Variants in GPATCH2L observed in about 807,000 individuals in gnomAD.
The protein encoded by GPATCH2L is G patch domain-containing protein 2-like.
GPATCH2L carries 31 observed loss-of-function variants against 57.4 expected under a neutral mutation model. The observed-to-expected ratio is 0.54, with a 90% CI of 0.41 to 0.73. The LOEUF is 0.73. Ranked by LOEUF, GPATCH2L falls within the 30% of genes least tolerant of loss-of-function variation. The probability of loss-of-function intolerance (pLI) is 0.00; values close to 1 mark genes in which losing one functional copy is unlikely to be tolerated. For missense variants in GPATCH2L, 481 were observed against 599.9 expected (o/e 0.80, Z 2.07); for synonymous variants, 199 against 210.7 (o/e 0.94, Z 0.48).
At chr14:76,234,380 A>T (rs1595017053) in intron 2 of GPATCH2L, 2 of 152,240 alleles carry the variant, frequency 1.3e-5, no homozygotes, top group African/African-American at 4.8e-5. Context: ...GCTTTGTGTA[A>T]TCCCATCCCC....
intron 8 of GPATCH2L, among the ~76,000 whole-genome samples, chr14:76,194,426 T>C (rs1325795549): frequency 4.6e-5 from 7 of 152,200 alleles, no homozygotes; most frequent in African/African-American, 1.7e-4. Flanking sequence ...CAAATTCTTA[T>C]ATTTTCCTAT....
At chr14:76,175,550 G>T (rs1042900299) in intron 5 of GPATCH2L, 1 of 152,108 alleles carries the variant, frequency 6.6e-6, no homozygotes, top group Non-Finnish European at 1.5e-5. Context: ...TTTTTCTGCT[G>T]TAACAAATAG....
Position 76,154,326 on chromosome 14 carries a change from CT to C in GPATCH2L, c.-10-21del. 6.6e-7 allele frequency: 1 copy of C among 1,509,008 alleles called. No homozygotes were observed. Among genetic ancestry groups the C allele is most frequent in the Non-Finnish European group, 8.9e-7 (1 of 1,119,350 alleles). 93.5% of individuals were successfully genotyped at this position (1,509,008 alleles called of 1,614,324 possible). A position where few individuals can be genotyped will look rare whatever the true frequency, so the allele number is the denominator to read the frequency against. ...CTTTTTCTTTTTCTTTTCTTTCTTT[CT>C]TTTTTTCCTAAACTTCCTTTTGGCA... is the stretch of plus-strand genomic sequence containing the variant. On this transcript the variant is annotated intron_variant, in intron 1 of 9. Transcript: ENST00000261530. This position sits in a 1 kb window ranked among gnomAD's most constrained non-coding sequence, Gnocchi z 4.4.
intron 2 of GPATCH2L, 91 bp downstream of exon 2, chr14:76,155,116 A>G (rs1487546162): frequency 1.0e-6 from 1 of 999,972 alleles, no homozygotes; most frequent in Non-Finnish European, 1.4e-6. Flanking sequence ...CCTTCTTTCA[A>G]ACCAGCCACT....
rs2040344315 is a variant in GPATCH2L at position 76,203,693 on chromosome 14, G to GTA, written c.*1843_*1844dup. 1.3e-5 allele frequency: 2 copies of GTA among 152,258 alleles called. No homozygotes were observed. Among genetic ancestry groups the GTA allele is most frequent in the East Asian group, 3.9e-4 (2 of 5,188 alleles). 9.4% of individuals were successfully genotyped at this position (152,258 alleles called of 1,614,324 possible). On this transcript the variant is annotated 3_prime_UTR_variant, in exon 10 of 10. Coordinates refer to ENST00000261530, the MANE Select transcript of GPATCH2L (RefSeq NM_017926.4). ...CTTCCCTTCCCTGTGGGCTGCACCC[G>GTA]TAGAAGTATAGAAAATGTAATGTCT... is the stretch of plus-strand genomic sequence containing the variant.
intron 2 of GPATCH2L, among the ~76,000 whole-genome samples, chr14:76,231,645 A>ACACC (rs2040562554): frequency 6.6e-6 from 1 of 151,550 alleles, no homozygotes; most frequent in Non-Finnish European, 1.5e-5. Context: ...ACACACACAC[A>ACACC]CACACTCTTC....
At chr14:76,225,040 T>C (rs1219838486) in intron 1 of GPATCH2L, among the ~76,000 whole-genome samples, 3 of 152,150 alleles carry the variant, frequency 2.0e-5, no homozygotes, top group Non-Finnish European at 4.4e-5. Flanking sequence ...ATTGTAAAGA[T>C]GTCAGTTATT....
rs527614971 is a variant in GPATCH2L at position 76,165,883 on chromosome 14, T to A, written c.663-780T>A. ...TCTTCTAGAGTAGGTGAAAAAAAAA[T>A]TTTTGACTCTCTTGGAAGGAAATAA... On this transcript the variant is annotated intron_variant, in intron 2 of 9. Coordinates refer to ENST00000261530, the MANE Select transcript of GPATCH2L (RefSeq NM_017926.4). Among the ~76,000 whole-genome samples the A allele has an allele frequency of 7.9e-5, 12 of 152,202 alleles. 1 individual carries two copies. In the South Asian group the frequency reaches 1.5e-3, roughly 18 times the overall value.
intron 8 of GPATCH2L, among the ~76,000 whole-genome samples, chr14:76,187,495 T>C (rs1011296019): frequency 1.3e-5 from 2 of 152,114 alleles, no homozygotes; most frequent in African/African-American, 4.8e-5. Context: ...CCTAGAAATA[T>C]CAAATTTTTT....
At chr14:76,178,230 G>T (rs1411402743) in intron 7 of GPATCH2L, 188 bp downstream of exon 7, 2 of 1,508,278 alleles carry the variant, frequency 1.3e-6, no homozygotes, top group East Asian at 5.0e-5. Context: ...CAGTAAGAAA[G>T]CAGAATGAAT....
chr14:76,201,116 T>G (rs1265452532), intron 9 of GPATCH2L, among the ~76,000 whole-genome samples: 1 of 152,206 alleles, frequency 6.6e-6, no homozygotes, highest in Non-Finnish European at 1.5e-5. Flanking sequence ...CTGATTGTGC[T>G]CTTTTTCTAC....
downstream of GPATCH2L, among the ~76,000 whole-genome samples, chr14:76,214,511 G>A (rs80352918): frequency 0.022 from 3,369 of 152,294 alleles, 75 homozygotes; most frequent in South Asian, 0.077. Flanking sequence ...TCCAAGATCA[G>A]GGTGCTGGCT....
chr14:76,160,040 G>T (rs1900119), intron 2 of GPATCH2L, among the ~76,000 whole-genome samples: 1 of 152,010 alleles, frequency 6.6e-6, no homozygotes, highest in Non-Finnish European at 1.5e-5. Flanking sequence ...AGGCTGAGGC[G>T]GGAGAATGGT....
chr14:76,175,256 G>A (rs11627989), intron 5 of GPATCH2L: 31,126 of 151,962 alleles, frequency 0.2, 3,494 homozygotes, highest in African/African-American at 0.3. Context: ...GTGAGGGCCT[G>A]TTGGATGTGC....
At chr14:76,232,466 G>T (rs12896479) in intron 2 of GPATCH2L, among the ~76,000 whole-genome samples, 31,606 of 152,066 alleles carry the variant, frequency 0.21, 3,536 homozygotes, top group Middle Eastern at 0.37. Context: ...CCCCCGGCCC[G>T]TTTTTCTTTT....
At chr14:76,231,487 T>C (rs1276667294) in intron 2 of GPATCH2L, among the ~76,000 whole-genome samples, 2 of 152,064 alleles carry the variant, frequency 1.3e-5, no homozygotes, top group Non-Finnish European at 2.9e-5. Flanking sequence ...ACATTCCATC[T>C]CTCTTTCTTT....
Position 76,202,029 on chromosome 14 carries a change from C to A in GPATCH2L, c.*178C>A. The A allele has an allele frequency of 2.0e-6, 1 of 491,300 alleles. No homozygotes were observed. The highest frequency in any genetic ancestry group is 3.4e-5 in the East Asian group (1 of 29,662). 30.4% of individuals were successfully genotyped at this position (491,300 alleles called of 1,614,324 possible). On this transcript the variant is annotated 3_prime_UTR_variant, in exon 10 of 10. Coordinates refer to ENST00000261530, the MANE Select transcript of GPATCH2L (RefSeq NM_017926.4). Reference sequence around the variant, plus strand: ...TCTCAGAAGATCATGTTGTGGGAATCTTTTTTTTAAATAGTGAAATATTGA... The same window carrying A: ...TCTCAGAAGATCATGTTGTGGGAATATTTTTTTTAAATAGTGAAATATTGA...
At chr14:76,181,117 A>G (rs1235579080) in intron 8 of GPATCH2L, among the ~76,000 whole-genome samples, 1 of 152,154 alleles carries the variant, frequency 6.6e-6, no homozygotes, top group Non-Finnish European at 1.5e-5. Context: ...TAAAAGCCCC[A>G]TCTTCAAACA....
chr14:76,170,497 T>C (rs935284844), intron 3 of GPATCH2L: 1 of 152,202 alleles, frequency 6.6e-6, no homozygotes, highest in African/African-American at 2.4e-5. Flanking sequence ...GTTGTGACTT[T>C]GCTGTTAATT....
Sources: gnomAD v4.1 joint callset for allele counts (sites outside exome capture counted in the v4.1 genomes callset) on GRCh38, gnomAD v4.1.1 for gene constraint, Gnocchi (gnomAD v3.1) non-coding constraint, MANE v1.5 for transcripts, NCBI Gene and HGNC (gene_info 2026-07-23, HGNC 2026-07-21) for gene names.